PRELID2: variants seen among roughly 807,000 people sequenced by gnomAD.
The protein encoded by PRELID2 is PRELI domain containing 2.
PRELID2 carries 25 observed loss-of-function variants against 28.4 expected under a neutral mutation model. The ratio of observed to expected loss-of-function variants is 0.88; its 90% CI spans 0.64 to 1.23. PRELID2 has a LOEUF of 1.23. Among genes scored for constraint, PRELID2 ranks in the 50% most tolerant of loss-of-function variants. PRELID2 has a pLI of 0.00. For missense variants in PRELID2, 201 were observed against 214.4 expected, an observed-to-expected ratio of 0.94 and a Z score of 0.39; for synonymous variants, 76 against 71.6, an observed-to-expected ratio of 1.06 and a Z score of -0.31.
At chr5:145,502,846 T>A (rs571259418) in intron 1 of PRELID2, among the ~76,000 whole-genome samples, 5 of 151,416 alleles carry the variant, frequency 3.3e-5, no homozygotes, top group Admixed American at 6.6e-5. Flanking sequence ...CCCAGAAGTT[T>A]TTTTTTTTTT....
At chr5:145,244,398 C>T in the PRELID2 span, among the ~76,000 whole-genome samples, 1 of 152,138 alleles carries the variant, frequency 6.6e-6, no homozygotes, top group Non-Finnish European at 1.5e-5. Flanking sequence ...AAGTGCCTGG[C>T]GGGTGGCAGG....
intron 1 of PRELID2, among the ~76,000 whole-genome samples, chr5:145,625,118 A>G (rs1753827039): frequency 6.6e-6 from 1 of 152,208 alleles, no homozygotes; most frequent in Non-Finnish European, 1.5e-5. Flanking sequence ...CTCTGCTTGC[A>G]GTAGTATAAA....
intron 1 of PRELID2, among the ~76,000 whole-genome samples, chr5:145,642,197 G>C (rs1394721012): frequency 1.3e-5 from 2 of 152,078 alleles, no homozygotes; most frequent in Admixed American, 1.3e-4. Flanking sequence ...ATTTTTTAAT[G>C]ATTGGCATTC....
chr5:145,591,960 C>T (rs1321347244), intron 1 of PRELID2, among the ~76,000 whole-genome samples: 1 of 152,172 alleles, frequency 6.6e-6, no homozygotes, highest in Non-Finnish European at 1.5e-5. Context: ...ACATTCTTCA[C>T]CTCTACCTCA....
At chr5:145,478,759 G>C (rs1398978065) in intron 1 of PRELID2, among the ~76,000 whole-genome samples, 1 of 152,144 alleles carries the variant, frequency 6.6e-6, no homozygotes, top group East Asian at 1.9e-4. Flanking sequence ...ACTCACATTT[G>C]TAGCTCATGT....
intron 1 of PRELID2, among the ~76,000 whole-genome samples, chr5:145,670,720 C>G (rs1206531025): frequency 2.0e-5 from 3 of 152,156 alleles, no homozygotes; most frequent in Non-Finnish European, 4.4e-5. Flanking sequence ...CCCAATCTCT[C>G]TCTGTCTTTT....
chr5:145,536,990 A>T (rs1344238225), intron 1 of PRELID2, among the ~76,000 whole-genome samples: 1 of 151,894 alleles, frequency 6.6e-6, no homozygotes, highest in African/African-American at 2.4e-5. Flanking sequence ...TTAAAAAATT[A>T]TTAAATAAGC....
chr5:145,402,138 G>A, the PRELID2 span, among the ~76,000 whole-genome samples: 2 of 152,118 alleles, frequency 1.3e-5, no homozygotes, highest in African/African-American at 4.8e-5. Context: ...TTAACACATG[G>A]ATGGGACAGA....
chr5:145,723,074 G>A (rs1626734), intron 1 of PRELID2, among the ~76,000 whole-genome samples: 2 of 151,872 alleles, frequency 1.3e-5, no homozygotes, highest in Non-Finnish European at 2.9e-5. Flanking sequence ...ACCTAAATTT[G>A]ATTGTCAAAA....
At chr5:145,271,872 T>C in the PRELID2 span, among the ~76,000 whole-genome samples, 1 of 152,202 alleles carries the variant, frequency 6.6e-6, no homozygotes, top group East Asian at 1.9e-4. Context: ...ACCAATTCTG[T>C]GAGTTATTGA....
In PRELID2 at chr5:145,623,598, T is replaced by C. The variant is rs566410515; in HGVS notation, n.70+141333A>G. Among the ~76,000 whole-genome samples, 10 of 152,226 alleles carry C rather than the reference T, an allele frequency of 6.6e-5. No homozygotes were observed. The East Asian group carries it at 1.9e-3, about 29-fold the overall frequency. ...TACATATATCTGTGGAAACTTGAGA[T>C]AGACAGACAGATAGATAAATAGATA... On this transcript the variant is annotated intron_variant and non_coding_transcript_variant, in intron 1 of 2. Coordinates refer to the PRELID2 transcript ENST00000510259.
At chr5:145,811,606 A>G (rs1229048527) in intron 4 of PRELID2, among the ~76,000 whole-genome samples, 3 of 152,188 alleles carry the variant, frequency 2.0e-5, no homozygotes, top group Non-Finnish European at 4.4e-5. Context: ...CTAAACGCAG[A>G]TGCCTACTCA....
the PRELID2 span, among the ~76,000 whole-genome samples, chr5:145,368,702 CA>C: frequency 1.3e-5 from 2 of 151,880 alleles, no homozygotes; most frequent in African/African-American, 4.8e-5. Flanking sequence ...TCACCCATAA[CA>C]GATTTTTATT....
chr5:145,517,205 A>G (rs543395837), intron 1 of PRELID2, among the ~76,000 whole-genome samples: 55 of 152,302 alleles, frequency 3.6e-4, no homozygotes, highest in African/African-American at 1.2e-3. Context: ...CAGGCAACCT[A>G]CAGAATAGGA....
At chr5:145,509,500 C>T (rs958041061) in intron 1 of PRELID2, among the ~76,000 whole-genome samples, 1 of 152,210 alleles carries the variant, frequency 6.6e-6, no homozygotes, top group Non-Finnish European at 1.5e-5. Context: ...TCTGAGCACC[C>T]ATTATCCAGG....
chr5:145,477,823 A>C (rs559548227), intron 1 of PRELID2, among the ~76,000 whole-genome samples: 1 of 152,204 alleles, frequency 6.6e-6, no homozygotes, highest in South Asian at 2.1e-4. Context: ...TAGTCAAAAG[A>C]ATAAAAAGAA....
At chr5:145,305,418 T>C in the PRELID2 span, among the ~76,000 whole-genome samples, 1 of 152,258 alleles carries the variant, frequency 6.6e-6, no homozygotes, top group Non-Finnish European at 1.5e-5. Context: ...ATGACTGCCC[T>C]TCCTACCCTA....
At chr5:145,280,803 G>GA in the PRELID2 span, among the ~76,000 whole-genome samples, 3,501 of 142,884 alleles carry the variant, frequency 0.025, 165 homozygotes, top group African/African-American at 0.086. Flanking sequence ...ATTGATTCAT[G>GA]AAAAAAAAAA....
the PRELID2 span, among the ~76,000 whole-genome samples, chr5:145,387,020 T>C: frequency 6.6e-6 from 1 of 152,196 alleles, no homozygotes; most frequent in Non-Finnish European, 1.5e-5. Context: ...CATAGCTTTA[T>C]TATGTATGAT....
Sources: gnomAD v4.1 joint callset for allele counts (sites outside exome capture counted in the v4.1 genomes callset) on GRCh38, gnomAD v4.1.1 for gene constraint, MANE v1.5 for transcripts, NCBI Gene and HGNC (gene_info 2026-07-23, HGNC 2026-07-21) for gene names.